The following RAP1B variants were observed in gnomAD, a reference collection of about 807,000 sequenced individuals.
RAP1B encodes RAP1B, member of RAS oncogene family, also known as ras-related protein Rap-1b.
In RAP1B, 1 loss-of-function variant was observed where a neutral mutation model predicts 27.5. That is an observed-to-expected ratio of 0.04 (90% CI 0.01 to 0.17). The LOEUF (loss-of-function observed/expected upper bound fraction) is 0.17, where lower values mean the gene tolerates loss of function less well. RAP1B is among the 10% of genes least tolerant of loss of function. The pLI is 1.00. For missense variants in RAP1B, 84 were observed against 214.8 expected, an observed-to-expected ratio of 0.39 and a Z score of 3.81; for synonymous variants, 75 against 73.1, an observed-to-expected ratio of 1.03 and a Z score of -0.13.
intron 5 of RAP1B, among the ~76,000 whole-genome samples, chr12:68,655,156 T>A (rs12316768): frequency 0.18 from 26,242 of 146,944 alleles, 2,855 homozygotes; most frequent in African/African-American, 0.32. Flanking sequence ...ACCAGAAATT[T>A]AAAAAAAAAA....
Position 68,616,241 on chromosome 12 carries a change from C to T in RAP1B, c.-27+5198C>T, listed in dbSNP as rs373805537. Among the ~76,000 whole-genome samples the T allele has an allele frequency of 5.3e-5, 8 of 151,784 alleles. 1 individual carries two copies. In the East Asian group the frequency reaches 1.6e-3, roughly 30 times the overall value. On this transcript the variant is annotated intron_variant, in intron 1 of 7. Coordinates refer to ENST00000250559, the MANE Select transcript of RAP1B (RefSeq NM_001010942.3). ...CCTCCCAAAGTGCTGGGATTACAGG[C>T]GTGAGCCACTGTGCCCGGCCTTTGT...
chr12:68,669,753 T>C lies in RAP1B; in HGVS notation c.*10504T>C, dbSNP rs1267755303. 2 of 151,922 alleles carry C rather than the reference T, an allele frequency of 1.3e-5. No homozygotes were observed. Among genetic ancestry groups the C allele is most frequent in the Non-Finnish European group, 2.9e-5 (2 of 68,038 alleles). The allele number at this position is 151,922 out of a possible 1,614,324, so 9.4% of individuals were successfully genotyped here. ...GAGGCAGAGGGTGCAGTAGCTGAGA[T>C]TGTACCACTGCACTCCAGCCTGGGT... On this transcript the variant is annotated 3_prime_UTR_variant, in exon 8 of 8. Transcript: ENST00000250559.
intron 1 of RAP1B, among the ~76,000 whole-genome samples, chr12:68,644,123 A>G (rs1372955274): frequency 6.6e-6 from 1 of 152,246 alleles, no homozygotes; most frequent in Non-Finnish European, 1.5e-5. Flanking sequence ...CAATGCCAAT[A>G]TTACAGGATT....
intron 1 of RAP1B, among the ~76,000 whole-genome samples, chr12:68,616,795 G>A (rs1180861651): frequency 2.6e-5 from 4 of 151,752 alleles, no homozygotes; most frequent in African/African-American, 9.7e-5. Context: ...CAAACTCGTG[G>A]GCTCAAGGGA....
intron 1 of RAP1B, among the ~76,000 whole-genome samples, chr12:68,614,174 T>G (rs1870815750): frequency 6.6e-6 from 1 of 152,228 alleles, no homozygotes; most frequent in Non-Finnish European, 1.5e-5. Flanking sequence ...TTTTTTGCCT[T>G]TTGTTGTAGG....
intron 1 of RAP1B, among the ~76,000 whole-genome samples, chr12:68,633,695 C>A (rs979642921): frequency 3.3e-5 from 5 of 151,986 alleles, no homozygotes; most frequent in Non-Finnish European, 7.4e-5. Context: ...GTGGTGAAAC[C>A]CCGTCTCTAC....
At chr12:68,646,959 C>A (rs1260746428) in intron 1 of RAP1B, among the ~76,000 whole-genome samples, 1 of 152,152 alleles carries the variant, frequency 6.6e-6, no homozygotes, top group Admixed American at 6.5e-5. Flanking sequence ...AGACCTGAAC[C>A]CATATACAAA....
chr12:68,657,271 ACT>A (rs1874273202), intron 7 of RAP1B, 54 bp downstream of exon 7: 2 of 1,139,280 alleles, frequency 1.8e-6, no homozygotes, highest in South Asian at 1.4e-5. Flanking sequence ...TATTAAGGGC[ACT>A]CTGTCATGAA....
chr12:68,617,607 C>T (rs1871119202), intron 1 of RAP1B, among the ~76,000 whole-genome samples: 1 of 152,138 alleles, frequency 6.6e-6, no homozygotes, highest in Admixed American at 6.5e-5. Flanking sequence ...AATGCCATCA[C>T]TACAATGACT....
At chr12:68,627,329 G>GGGCC (rs1365226968) in intron 1 of RAP1B, 1 of 757,144 alleles carries the variant, frequency 1.3e-6, no homozygotes, top group Non-Finnish European at 2.4e-6. Flanking sequence ...ATTGCACACT[G>GGGCC]GGCCCCCCCA....
chr12:68,624,770 G>C (rs1188621710), intron 1 of RAP1B: 1 of 152,392 alleles, frequency 6.6e-6, no homozygotes, highest in African/African-American at 2.4e-5. Flanking sequence ...AGCTGAGATC[G>C]TGCCACTGCA....
intron 1 of RAP1B, chr12:68,642,991 C>A (rs1873129572): frequency 1.2e-6 from 1 of 801,340 alleles, no homozygotes. Flanking sequence ...TTCGCCCAGC[C>A]ATGTTGGGAT....
At chr12:68,646,992 T>C (rs1159175907) in intron 1 of RAP1B, among the ~76,000 whole-genome samples, 1 of 152,200 alleles carries the variant, frequency 6.6e-6, no homozygotes, top group Non-Finnish European at 1.5e-5. Context: ...CTCTTTACTT[T>C]AACTGTTGGG....
rs977527883 is a variant in RAP1B, at chr12:68,664,349, G to A, written c.*5100G>A. ...TTCAGAACAGGAAATTCTATTAACT[G>A]TCAAACTCTTTAATGTGCAGTGCAG... is the stretch of plus-strand genomic sequence containing the variant. On this transcript the variant is annotated 3_prime_UTR_variant, in exon 8 of 8. Transcript: ENST00000250559. 3 of 152,108 alleles carry A rather than the reference G, an allele frequency of 2.0e-5. No individual in the cohort carries two copies. The highest frequency in any genetic ancestry group is 4.4e-5 in the Non-Finnish European group (3 of 68,028). The allele number at this position is 152,108 out of a possible 1,614,324, so 9.4% of individuals were successfully genotyped here. A position where few individuals can be genotyped will look rare whatever the true frequency, so the allele number is the denominator to read the frequency against.
At chr12:68,655,796 A>G (rs1874163270) in intron 5 of RAP1B, among the ~76,000 whole-genome samples, 1 of 152,200 alleles carries the variant, frequency 6.6e-6, no homozygotes, top group African/African-American at 2.4e-5. Context: ...TCGGCCTCCC[A>G]AAGTGCTGGG....
chr12:68,632,293 C>G (rs932767978), intron 1 of RAP1B, among the ~76,000 whole-genome samples: 3 of 151,628 alleles, frequency 2.0e-5, no homozygotes, highest in African/African-American at 2.4e-5. Context: ...GTGAACATAC[C>G]CGGCTAACTT....
At chr12:68,619,713 T>C (rs1374230045) in intron 1 of RAP1B, among the ~76,000 whole-genome samples, 2 of 152,344 alleles carry the variant, frequency 1.3e-5, no homozygotes, top group South Asian at 4.1e-4. Context: ...TTATTTTGTT[T>C]ATATTTTTGT....
intron 1 of RAP1B, among the ~76,000 whole-genome samples, chr12:68,617,453 CCTA>C (rs1871106287): frequency 6.6e-6 from 1 of 152,152 alleles, no homozygotes; most frequent in South Asian, 2.1e-4. Context: ...GTTGTTTTCT[CCTA>C]CTGCTCTTGA....
At chr12:68,643,859 T>C (rs561760668) in intron 1 of RAP1B, among the ~76,000 whole-genome samples, 1 of 152,260 alleles carries the variant, frequency 6.6e-6, no homozygotes, top group African/African-American at 2.4e-5. Flanking sequence ...TTATTAACAA[T>C]AGAACTGTCA....
Sources: allele counts gnomAD v4.1 joint callset (sites outside exome capture counted in the v4.1 genomes callset), GRCh38; gene constraint gnomAD v4.1.1; transcripts MANE v1.5; gene names NCBI Gene and HGNC (gene_info 2026-07-23, HGNC 2026-07-21).